EIF2B4: variants seen among roughly 807,000 people sequenced by gnomAD.
EIF2B4 encodes the protein translation initiation factor eIF2B subunit delta.
A neutral mutation model predicts 66.7 loss-of-function variants in EIF2B4; 34 were observed. That is an observed-to-expected ratio of 0.51 (90% CI 0.39 to 0.68). The LOEUF is 0.68. EIF2B4 is among the 30% of genes least tolerant of loss of function. The pLI is 0.00. For synonymous variants in EIF2B4, 278 were observed against 253.6 expected, an observed-to-expected ratio of 1.10 and a Z score of -0.92; for missense variants, 618 against 657.9, an observed-to-expected ratio of 0.94 and a Z score of 0.66.
In EIF2B4 at chr2:27,368,420, G is replaced by C. The variant is rs1397100071; in HGVS notation, c.542C>G (p.Ser181Cys). 3.1e-6 allele frequency: 5 copies of C among 1,614,156 alleles called. No individual in the cohort carries two copies. In the South Asian group the frequency reaches 5.5e-5, roughly 18 times the overall value. The change falls in exon 6 of 13, where the codon TCT becomes TGT. Residue 181 changes from serine (S) to cysteine (C), a missense_variant. Around this residue, in one of 4 missense-constraint regions of EIF2B4, gnomAD observed 506 missense variants for 511.9 expected, o/e 0.99. Coordinates refer to ENST00000347454, the MANE Select transcript of EIF2B4 (RefSeq NM_001034116.2). Reference sequence around the variant, plus strand: ...TTGTCTGCTGTACTGGGGTAGGTGAGAGAAGAGACTGACTTTGGATCCATA... The same window carrying C: ...TTGTCTGCTGTACTGGGGTAGGTGACAGAAGAGACTGACTTTGGATCCATA... ...KDYGSKVSLFSHLPQYSRQNS... is the reference protein window; with the variant it reads ...KDYGSKVSLFCHLPQYSRQNS...
intron 1 of EIF2B4, 154 bp from the exon 2 acceptor site, chr2:27,370,073 G>C: frequency 1.3e-6 from 2 of 1,504,474 alleles, no homozygotes; most frequent in Non-Finnish European, 1.8e-6. Context: ...GACGCACTGC[G>C]CGGCGGATCA....
intron 11 of EIF2B4, chr2:27,365,179 C>T: frequency 2.6e-6 from 1 of 385,256 alleles, no homozygotes; most frequent in South Asian, 2.2e-5. Context: ...GCCTCAGCCT[C>T]CCGAGTAGCT....
rs113220975 is a variant in EIF2B4 at position 27,369,088 on chromosome 2, C to A, written c.336G>T (p.Arg112=). 4.3e-6 allele frequency: 7 copies of A among 1,614,096 alleles called. No homozygotes were observed. The highest frequency in any genetic ancestry group is 2.7e-5 in the African/African-American group (2 of 75,002). The change falls in exon 4 of 13, where the codon CGG becomes CGT. Residue 112 remains arginine (R), a synonymous_variant. Transcript: ENST00000347454. ...AERRAKQEAE[R]ALKQARKGEQ... The stretch of plus-strand genomic sequence containing the variant: ...CCCCTTTTCTTGCCTGTTTCAGGGC[C>A]CGCTCGGCCTCCTGCTTGGCTCGAC...
chr2:27,367,252 CTGA>C, intron 9 of EIF2B4, 51 bp from the exon 10 acceptor site: 1 of 1,613,464 alleles, frequency 6.2e-7, no homozygotes, highest in South Asian at 1.1e-5. Context: ...TTTTATCCCT[CTGA>C]TGATCATGCC....
intron 11 of EIF2B4, chr2:27,366,200 G>T (rs1558634109): frequency 7.1e-6 from 1 of 140,914 alleles, no homozygotes; most frequent in East Asian, 2.0e-4. Flanking sequence ...CATGCCCGGG[G>T]TGGGGGTGGG....
At chr2:27,364,987 A>C in intron 11 of EIF2B4, 89 bp from the exon 12 acceptor site, 1 of 1,305,068 alleles carries the variant, frequency 7.7e-7, no homozygotes, top group Middle Eastern at 1.8e-4. Flanking sequence ...CAACATTAAG[A>C]CAAGTAATAA....
intron 1 of EIF2B4, 90 bp downstream of exon 1, chr2:27,370,194 G>A: frequency 1.3e-6 from 2 of 1,532,964 alleles, no homozygotes; most frequent in Non-Finnish European, 1.8e-6. Context: ...GAACGGAGCG[G>A]CGGGGCCCAA....
chr2:27,369,354 C>G (rs1682158357), intron 3 of EIF2B4, 60 bp downstream of exon 3: 1 of 1,612,488 alleles, frequency 6.2e-7, no homozygotes, highest in Non-Finnish European at 8.5e-7. Context: ...CCTTATCTCT[C>G]CCACCACATC....
chr2:27,367,427 C>T (rs1681942499), intron 9 of EIF2B4, 30 bp downstream of exon 9: 2 of 1,612,402 alleles, frequency 1.2e-6, no homozygotes, highest in Non-Finnish European at 1.7e-6. Flanking sequence ...CCCACAGGTG[C>T]ATGCCTTCCT....
Position 27,364,884 on chromosome 2 carries a change from T to A in EIF2B4, c.1206A>T (p.Leu402=), listed in dbSNP as rs1422967742. Residue 402 remains leucine (L), a synonymous_variant, in exon 12 of 13, where the codon CTA becomes CTT. Coordinates refer to ENST00000347454, the MANE Select transcript of EIF2B4 (RefSeq NM_001034116.2). ...SYVLPEVSKV[L]LGAHALLANG... ...TGGCCAAGAGTGCATGAGCTCCCAA[T>A]AGCACCTTGGAAACCTGTTTCACAG... The A allele has an allele frequency of 6.2e-7, 1 of 1,613,974 alleles. No individual in the cohort carries two copies. Among genetic ancestry groups the A allele is most frequent in the African/African-American group, 1.3e-5 (1 of 74,954 alleles).
chr2:27,367,529 C>G lies in EIF2B4; in HGVS notation c.813G>C (p.Ala271=), dbSNP rs761145823. ...SFLTQCRPLS[A]SMHNAIKFLN... ...GGAACTTGATGGCGTTGTGCATGCT[C>G]GCTGACAGGGGACGGCACTGAGTCA... Residue 271 remains alanine, a synonymous_variant, in exon 9 of 13, where the codon GCG becomes GCC. Transcript: ENST00000347454. The G allele has an allele frequency of 6.8e-6, 11 of 1,614,058 alleles. No homozygotes were observed. The South Asian group carries it at 1.2e-4, about 18-fold the overall frequency.
In EIF2B4 at chr2:27,367,907, A is replaced by G. The variant is rs186886418; in HGVS notation, c.706-85T>C. 2,317 of 1,514,362 alleles carry G rather than the reference A, an allele frequency of 1.5e-3. 7 individuals carry two copies. The highest frequency in any genetic ancestry group is 9.5e-4 in the Non-Finnish European group (1,037 of 1,093,280). 93.8% of individuals were successfully genotyped at this position (1,514,362 alleles called of 1,614,324 possible). ...CTGGGGGTAAGCTTCACTGAGGAAA[A>G]TGTTCTGAGGGTAGGAGTATTCCCT... On this transcript the variant is annotated intron_variant, in intron 7 of 12. Coordinates refer to ENST00000347454, the MANE Select transcript of EIF2B4 (RefSeq NM_001034116.2).
intron 2 of EIF2B4, 53 bp from the exon 3 acceptor site, chr2:27,369,602 A>G (rs1682197737): frequency 3.7e-6 from 6 of 1,612,760 alleles, no homozygotes; most frequent in South Asian, 1.1e-5. Context: ...AAAGGGGAAC[A>G]AATACTATTG....
At chr2:27,368,226 C>T in intron 6 of EIF2B4, 87 bp from the exon 7 acceptor site, 1 of 1,325,762 alleles carries the variant, frequency 7.5e-7, no homozygotes, top group Non-Finnish European at 1.1e-6. Flanking sequence ...ACTCCCTTCA[C>T]TAGCAGATTT....
Position 27,366,677 on chromosome 2 carries a change from G to GTT in EIF2B4, c.1191+81_1191+82insAA, listed in dbSNP as rs140057104. ...CTTATCTCAAAACAAAAACAAAACT[G>GTT]TAACTTTGGGAAGGTGAGATTATGT... is the stretch of plus-strand genomic sequence containing the variant. On this transcript the variant is annotated intron_variant, in intron 11 of 12. Transcript: ENST00000347454. The GTT allele has an allele frequency of 0.051, 78,861 of 1,541,848 alleles. 2,618 individuals carry two copies. The highest frequency in any genetic ancestry group is 0.15 in the African/African-American group (11,297 of 73,336).
Position 27,364,528 on chromosome 2 carries a change from G to C in EIF2B4, c.1444C>G (p.Leu482Val). ...ALANWQNHAS[L>V]RLLNLVYDVT... is the part of the protein sequence containing the mutation. ...TCATAGACTAGATTCAACAACCGTA[G>C]GGATGCGTGGTTCTGCCAGTTAGCC... Residue 482 changes from leucine (L) to valine (V), a missense_variant, in exon 13 of 13, where the codon CTA becomes GTA. Leu to Val is a conservative substitution (Grantham distance 32, BLOSUM62 1). Coordinates refer to ENST00000347454, the MANE Select transcript of EIF2B4 (RefSeq NM_001034116.2). The C allele has an allele frequency of 6.2e-7, 1 of 1,614,226 alleles. No homozygotes were observed. The highest frequency in any genetic ancestry group is 8.5e-7 in the Non-Finnish European group (1 of 1,180,054).
intron 9 of EIF2B4, 72 bp downstream of exon 9, chr2:27,367,385 C>T: frequency 1.2e-6 from 2 of 1,602,186 alleles, no homozygotes; most frequent in East Asian, 2.2e-5. Context: ...CGTTGGCCTT[C>T]CCGGGAGTTT....
chr2:27,367,540 G>C lies in EIF2B4; in HGVS notation c.802C>G (p.Pro268Ala). 1 of 1,614,050 alleles carries C rather than the reference G, an allele frequency of 6.2e-7. No individual in the cohort carries two copies. Among genetic ancestry groups the C allele is most frequent in the Non-Finnish European group, 8.5e-7 (1 of 1,180,028 alleles). Reference protein sequence around the residue: ...PYMSFLTQCRPLSASMHNAIK... With the variant: ...PYMSFLTQCRALSASMHNAIK... ...GCGTTGTGCATGCTCGCTGACAGGG[G>C]ACGGCACTGAGTCAGGAAGCTATAA... Residue 268 changes from proline (P) to alanine (A), a missense_variant, in exon 9 of 13, where the codon CCC becomes GCC. Physicochemically the swap from Pro to Ala is conservative, Grantham distance 27. This residue lies in a region of EIF2B4 where 506 missense variants were observed against 511.9 expected (regional missense o/e 0.99). Transcript: ENST00000347454.
rs1681697597 is a variant in EIF2B4 at position 27,364,535 on chromosome 2, G to C, written c.1437C>G (p.His479Gln). The change falls in exon 13 of 13, where the codon CAC becomes CAG. Residue 479 changes from histidine (H) to glutamine (Q), a missense_variant. Around this residue, in one of 4 missense-constraint regions of EIF2B4, gnomAD observed 63 missense variants for 47.5 expected, o/e 1.33. Transcript: ENST00000347454. ...CTAGATTCAACAACCGTAGGGATGCGTGGTTCTGCCAGTTAGCCAGCGCAA... is the reference window on the plus strand; with the variant it reads ...CTAGATTCAACAACCGTAGGGATGCCTGGTTCTGCCAGTTAGCCAGCGCAA... ...EHVALANWQN[H>Q]ASLRLLNLVY... 1 of 1,614,074 alleles carries C rather than the reference G, an allele frequency of 6.2e-7. No homozygotes were observed. The highest frequency in any genetic ancestry group is 1.7e-5 in the Admixed American group (1 of 59,998).
Sources: gnomAD v4.1 joint callset for allele counts on GRCh38, gnomAD v4.1.1 for gene constraint, gnomAD v4.1.1 regional missense constraint, MANE v1.5 for transcripts, NCBI Gene and HGNC (gene_info 2026-07-23, HGNC 2026-07-21) for gene names.